The following POGZ variants were observed in gnomAD, a reference collection of about 807,000 sequenced individuals.
POGZ encodes the protein pogo transposable element with ZNF domain.
A neutral mutation model predicts 134.6 loss-of-function variants in POGZ; 17 were observed. The observed-to-expected ratio is 0.13, with a 90% confidence interval of 0.09 to 0.19. The LOEUF (loss-of-function observed/expected upper bound fraction) is 0.19. Ranked by LOEUF, POGZ falls within the 10% of genes least tolerant of loss-of-function variation. The pLI is 1.00. For missense variants in POGZ, 1,306 were observed against 1,769.7 expected, an observed-to-expected ratio of 0.74 and a Z score of 4.70; for synonymous variants, 693 against 657.1, an observed-to-expected ratio of 1.05 and a Z score of -0.84.
Position 151,405,171 on chromosome 1 carries a change from T to A in POGZ, c.3864A>T (p.Ala1288=), listed in dbSNP as rs768450328. 4 of 1,614,204 alleles carry A rather than the reference T, an allele frequency of 2.5e-6. No individual in the cohort carries two copies. In the South Asian group the frequency reaches 4.4e-5, roughly 18 times the overall value. Residue 1288 remains alanine, a synonymous_variant, in exon 19 of 19, where the codon GCA becomes GCT. Coordinates refer to ENST00000271715, the MANE Select transcript of POGZ (RefSeq NM_015100.4). The surrounding 1 kb of genome is among the most constrained non-coding windows in gnomAD (Gnocchi z 4.9). ...GGACATCAGAATCACATGCAGTATC[T>A]GCCATTTCCCGAGCCTGTTCCTTCC... ...KKWKEQAREM[A]DTACDSDVLL...
chr1:151,434,617 T>C (rs1221733623), intron 3 of POGZ, among the ~76,000 whole-genome samples: 2 of 152,236 alleles, frequency 1.3e-5, no homozygotes, highest in East Asian at 3.9e-4. Context: ...AGAGTCTTGC[T>C]CTGTCACCAG....
At chr1:151,417,517 T>C (rs144089259) in intron 10 of POGZ, among the ~76,000 whole-genome samples, 2 of 152,086 alleles carry the variant, frequency 1.3e-5, no homozygotes, top group East Asian at 3.9e-4. Flanking sequence ...TGCACCACCA[T>C]GCCCAACTAA....
chr1:151,456,794 A>C (rs1213476109), intron 1 of POGZ, among the ~76,000 whole-genome samples: 1 of 152,176 alleles, frequency 6.6e-6, no homozygotes, highest in Non-Finnish European at 1.5e-5. Flanking sequence ...CTCTACTAAA[A>C]ATACAACCAG....
chr1:151,416,234 AAG>A (rs1259575861), intron 10 of POGZ, among the ~76,000 whole-genome samples: 1 of 142,270 alleles, frequency 7.0e-6, no homozygotes, highest in Non-Finnish European at 1.5e-5. Flanking sequence ...AAAAAAAAAA[AAG>A]AAAAAGAAAG....
Position 151,406,353 on chromosome 1 carries a change from TG to T in POGZ, c.2681del (p.Pro894GlnfsTer8). The T allele has an allele frequency of 6.2e-7, 1 of 1,600,200 alleles. No individual in the cohort carries two copies. The highest frequency in any genetic ancestry group is 1.7e-5 in the Admixed American group (1 of 57,966). On this transcript the variant is annotated frameshift_variant, in exon 19 of 19. Coordinates refer to ENST00000271715, the MANE Select transcript of POGZ (RefSeq NM_015100.4). LOFTEE classifies it high-confidence loss of function. Reference protein sequence around the residue: ...AATVKSAGATPAEPEELLTPL... With the variant: ...AATVKSAGATXAEPEELLTPL... ...GAGTTAGTAGCTCTTCAGGCTCAGC[TG>T]GGGTGGCCCCCGCAGATTTCACAGT...
chr1:151,423,422 A>G lies in POGZ; in HGVS notation c.1653T>C (p.Asn551=). The change falls in exon 10 of 19, where the codon AAT becomes AAC. Residue 551 remains asparagine, a synonymous_variant. Coordinates refer to ENST00000271715, the MANE Select transcript of POGZ (RefSeq NM_015100.4). ...TAGTAGATTCATAGGGACTATGAAC[A>G]TTTTCCAAGTGGCACTGAAGCTGGA... is the stretch of plus-strand genomic sequence containing the variant. ...TPFQLQCHLE[N]VHSPYESTTK... 1.2e-6 allele frequency: 2 copies of G among 1,614,122 alleles called. No individual in the cohort carries two copies. Among genetic ancestry groups the G allele is most frequent in the South Asian group, 2.2e-5 (2 of 91,084 alleles).
At chr1:151,441,682 G>C (rs1410395956) in intron 2 of POGZ, among the ~76,000 whole-genome samples, 1 of 151,962 alleles carries the variant, frequency 6.6e-6, no homozygotes, top group African/African-American at 2.4e-5. Flanking sequence ...CACTCACAAA[G>C]GAAACCAAGT....
chr1:151,451,654 G>A (rs1054244351), intron 1 of POGZ, among the ~76,000 whole-genome samples: 11 of 151,622 alleles, frequency 7.3e-5, no homozygotes, highest in South Asian at 2.1e-4. Flanking sequence ...GTAACTTTGC[G>A]TTTACAAGAA....
chr1:151,446,472 A>G (rs1661287422), intron 1 of POGZ, among the ~76,000 whole-genome samples: 1 of 152,038 alleles, frequency 6.6e-6, no homozygotes, highest in African/African-American at 2.4e-5. Flanking sequence ...CAAGAGGAAA[A>G]CGGCCGGGCG....
rs1277299979 is a variant in POGZ, at chr1:151,424,220, G to T, written c.1252C>A (p.Pro418Thr). 6.2e-7 allele frequency: 1 copy of T among 1,613,792 alleles called. No homozygotes were observed. Among genetic ancestry groups the T allele is most frequent in the Non-Finnish European group, 8.5e-7 (1 of 1,179,806 alleles). Residue 418 changes from proline to threonine, a missense_variant, in exon 9 of 19, where the codon CCA becomes ACA. By Grantham distance (38) the Pro-to-Thr change is conservative. Around this residue, in one of 10 missense-constraint regions of POGZ, gnomAD observed 541 missense variants for 680.5 expected, o/e 0.80. Coordinates refer to ENST00000271715, the MANE Select transcript of POGZ (RefSeq NM_015100.4). ...GKSLDSEPSV[P>T]SAAKPPSPEK... Reference sequence around the variant, plus strand: ...GGGGATGGGGGCTTTGCTGCTGATGGGACACTGGGTTCTGAATCCAGGGAC... The same window carrying T: ...GGGGATGGGGGCTTTGCTGCTGATGTGACACTGGGTTCTGAATCCAGGGAC...
chr1:151,457,594 C>G (rs989950299), intron 1 of POGZ, among the ~76,000 whole-genome samples: 1 of 152,158 alleles, frequency 6.6e-6, no homozygotes, highest in Non-Finnish European at 1.5e-5. Flanking sequence ...CTCCCTGCCC[C>G]CTCCGTTTCC....
At chr1:151,429,755 A>T (rs747291802) in intron 4 of POGZ, 44 bp from the exon 5 acceptor site, 1 of 1,129,112 alleles carries the variant, frequency 8.9e-7, no homozygotes, top group Non-Finnish European at 1.3e-6. Flanking sequence ...AGACCAATTA[A>T]CACTGACAAA....
At chr1:151,423,025 A>G (rs1323633716) in intron 10 of POGZ, among the ~76,000 whole-genome samples, 2 of 152,258 alleles carry the variant, frequency 1.3e-5, no homozygotes, top group Non-Finnish European at 2.9e-5. Flanking sequence ...AGTACTTCAC[A>G]ATATTATCTT....
chr1:151,441,952 GCA>G, intron 2 of POGZ, 127 bp downstream of exon 2: 1 of 619,620 alleles, frequency 1.6e-6, no homozygotes, highest in East Asian at 2.8e-5. Context: ...AAAAAAGGCA[GCA>G]CCAGTGAGTG....
intron 3 of POGZ, among the ~76,000 whole-genome samples, chr1:151,436,741 T>C (rs984557354): frequency 6.6e-6 from 1 of 152,266 alleles, no homozygotes; most frequent in Non-Finnish European, 1.5e-5. Flanking sequence ...ATTTTGTTTA[T>C]CCATCAATTT....
chr1:151,437,147 T>C (rs895017814), intron 3 of POGZ, among the ~76,000 whole-genome samples: 5 of 151,454 alleles, frequency 3.3e-5, no homozygotes, highest in Non-Finnish European at 2.9e-5. Flanking sequence ...TGAGCCGAGA[T>C]TGCGCCACTG....
chr1:151,423,683 CT>C, intron 9 of POGZ, 132 bp from the exon 10 acceptor site: 1 of 743,140 alleles, frequency 1.3e-6, no homozygotes. Flanking sequence ...TTGGGATATC[CT>C]TTTCTGAGCC....
chr1:151,435,556 G>C (rs1233530605), intron 3 of POGZ, among the ~76,000 whole-genome samples: 1 of 150,338 alleles, frequency 6.7e-6, no homozygotes, highest in African/African-American at 2.4e-5. Flanking sequence ...GCAGTAACGT[G>C]ATCTCAGCTC....
intron 1 of POGZ, among the ~76,000 whole-genome samples, chr1:151,442,710 C>A (rs371716363): frequency 0.018 from 1,735 of 98,790 alleles, no homozygotes; most frequent in Non-Finnish European, 0.02. Context: ...GACTCTGTCT[C>A]AAAAAAAAAA....
Sources: allele counts gnomAD v4.1 joint callset (sites outside exome capture counted in the v4.1 genomes callset), GRCh38; gene constraint gnomAD v4.1.1; regional missense constraint gnomAD v4.1.1; non-coding constraint Gnocchi (gnomAD v3.1); transcripts MANE v1.5; gene names NCBI Gene and HGNC (gene_info 2026-07-23, HGNC 2026-07-21).